The following LMO7 variants were observed in gnomAD, a reference collection of about 807,000 sequenced individuals.
The protein encoded by LMO7 is LIM domain only protein 7.
Under a neutral mutation model 206.5 loss-of-function variants are expected in LMO7, and 120 were observed. The ratio of observed to expected loss-of-function variants is 0.58; its 90% CI spans 0.50 to 0.68. The LOEUF is 0.68. Among genes scored for constraint, LMO7 ranks in the 30% least tolerant of loss-of-function variants. LMO7 has a pLI of 0.00. For missense variants in LMO7, 1,959 were observed against 1,957.9 expected, an observed-to-expected ratio of 1.00 and a Z score of -0.01; for synonymous variants, 706 against 681.5, an observed-to-expected ratio of 1.04 and a Z score of -0.56.
chr13:75,819,335 G>C (rs530377994), intron 12 of LMO7, 58 bp from the exon 13 acceptor site: 347 of 1,508,034 alleles, frequency 2.3e-4, no homozygotes, highest in Non-Finnish European at 3.0e-4. Flanking sequence ...CATTCTGTCT[G>C]CTAGAAAGGG....
In LMO7 at chr13:75,849,491, T is replaced by A. The variant is rs560687384; in HGVS notation, c.4364+199T>A. Among the ~76,000 whole-genome samples, 3 of 146,012 alleles carry A rather than the reference T, an allele frequency of 2.1e-5. No individual in the cohort carries two copies. In the East Asian group the frequency reaches 5.8e-4, roughly 28 times the overall value. On this transcript the variant is annotated intron_variant, in intron 27 of 30. Coordinates refer to ENST00000377534, the MANE Select transcript of LMO7 (RefSeq NM_001306080.2). ...GTAGGGATAATAATTCTGGCTGTTT[T>A]TTTTTTTTCTTTTTTTTTTACTATG...
At chr13:75,630,317 A>G (rs779250998) in intron 2 of LMO7, among the ~76,000 whole-genome samples, 64 of 152,360 alleles carry the variant, frequency 4.2e-4, no homozygotes, top group Non-Finnish European at 7.5e-4. Flanking sequence ...AAAGTAATAT[A>G]CATGTCTTTT....
intron 2 of LMO7, chr13:75,627,218 C>G (rs915361528): frequency 3.9e-5 from 6 of 152,088 alleles, no homozygotes; most frequent in African/African-American, 1.2e-4. Context: ...ATCCATACAA[C>G]CATTCTTTCA....
At position 75,855,331 on chromosome 13, in the gene LMO7, A is replaced by T; in HGVS notation, c.4733A>T (p.Glu1578Val). Residue 1578 changes from glutamate (E) to valine (V), a missense_variant, in exon 29 of 31, where the codon GAG (glutamate) becomes GTG (valine). Transcript: ENST00000377534. ...GGCAAAGGAGCCGCCATGATCATCG[A>T]GTCCCTGGGTCTTTGTTATCATTTG... The part of the protein sequence containing the change: ...ILGKGAAMII[E>V]SLGLCYHLHC... The T allele has an allele frequency of 6.2e-7, 1 of 1,613,820 alleles. No homozygotes were observed. The highest frequency in any genetic ancestry group is 8.5e-7 in the Non-Finnish European group (1 of 1,179,710).
Position 75,789,433 on chromosome 13 carries a change from G to A in LMO7, c.318-5968G>A, listed in dbSNP as rs527454673. Among the ~76,000 whole-genome samples the A allele has an allele frequency of 1.2e-4, 19 of 152,302 alleles. No individual in the cohort carries two copies. The South Asian group carries it at 3.7e-3, about 30-fold the overall frequency. On this transcript the variant is annotated intron_variant, in intron 4 of 30. Transcript: ENST00000377534. ...GAAAGAGAGGTACTAAGACATGTGA[G>A]AGGAACACAGAGAAGTGGGATTCTG...
intron 1 of LMO7, among the ~76,000 whole-genome samples, chr13:75,687,787 T>C (rs552822083): frequency 1.3e-5 from 2 of 152,352 alleles, no homozygotes; most frequent in East Asian, 1.9e-4. Flanking sequence ...TTGGTACTTA[T>C]GATTAATCCA....
Position 75,808,025 on chromosome 13 carries a change from A to G in LMO7, c.1742A>G (p.Tyr581Cys), listed in dbSNP as rs777411601. Residue 581 changes from tyrosine (Y) to cysteine (C), a missense_variant, in exon 10 of 31, where the codon TAT becomes TGT. Tyr to Cys is a radical substitution (Grantham distance 194). Transcript: ENST00000377534. Reference protein sequence around the residue: ...SNSCRILVPSYRQKKDDMLTR... With the variant: ...SNSCRILVPSCRQKKDDMLTR... ...AGCTGTAGAATATTAGTTCCTTCAT[A>G]TCGGCAGAAGAAAGATGACATGCTG... 7 of 1,613,838 alleles carry G rather than the reference A, an allele frequency of 4.3e-6. No individual in the cohort carries two copies. In the East Asian group the frequency reaches 8.9e-5, roughly 21 times the overall value.
chr13:75,819,269 A>G, intron 12 of LMO7, 124 bp from the exon 13 acceptor site: 1 of 1,191,606 alleles, frequency 8.4e-7, no homozygotes. Context: ...AAATTAGGGC[A>G]CCTTGGCATC....
chr13:75,841,305 G>C, intron 23 of LMO7, 104 bp downstream of exon 23: 1 of 726,656 alleles, frequency 1.4e-6, no homozygotes, highest in Non-Finnish European at 2.3e-6. Flanking sequence ...TTGACCATAT[G>C]TTCACCTGTG....
At chr13:75,630,882 C>T (rs1415633437) in intron 2 of LMO7, among the ~76,000 whole-genome samples, 3 of 152,198 alleles carry the variant, frequency 2.0e-5, no homozygotes, top group Non-Finnish European at 4.4e-5. Flanking sequence ...TTTCGAACTC[C>T]TGACCTCAGG....
chr13:75,679,699 A>C (rs576892172), intron 1 of LMO7, among the ~76,000 whole-genome samples: 30 of 152,058 alleles, frequency 2.0e-4, no homozygotes, highest in African/African-American at 7.0e-4. Flanking sequence ...TCCTGCCTCA[A>C]CCCCCACCAG....
intron 4 of LMO7, among the ~76,000 whole-genome samples, chr13:75,761,878 T>A (rs1034781469): frequency 6.6e-6 from 1 of 152,140 alleles, no homozygotes; most frequent in Non-Finnish European, 1.5e-5. Context: ...TTATTCTATC[T>A]ATAGAAATAA....
chr13:75,809,068 A>G lies in LMO7; in HGVS notation c.1917-86A>G, dbSNP rs867441792. 32 of 974,536 alleles carry G rather than the reference A, an allele frequency of 3.3e-5. 1 individual carries two copies. In the South Asian group the frequency reaches 3.5e-4, roughly 11 times the overall value. The allele number at this position is 974,536 out of a possible 1,614,324, so 60.4% of individuals were successfully genotyped here. ...TTGAGATTTGTCCGTCTCCAGTTAG[A>G]TTCTTAAGTGGAAGACATTGAACGT... On this transcript the variant is annotated intron_variant, in intron 10 of 30. Transcript: ENST00000377534.
At chr13:75,731,399 C>G (rs549597678) in intron 3 of LMO7, among the ~76,000 whole-genome samples, 1 of 152,224 alleles carries the variant, frequency 6.6e-6, no homozygotes, top group African/African-American at 2.4e-5. Context: ...TTCTTTGTCT[C>G]TTTTGATCTG....
chr13:75,686,903 C>T (rs777760857), intron 1 of LMO7, among the ~76,000 whole-genome samples: 11 of 152,108 alleles, frequency 7.2e-5, no homozygotes, highest in Non-Finnish European at 1.5e-4. Context: ...TGCGTCCTCA[C>T]ATAGCAGAAA....
intron 24 of LMO7, 26 bp downstream of exon 24, chr13:75,842,009 A>G: frequency 6.4e-7 from 1 of 1,561,886 alleles, no homozygotes; most frequent in South Asian, 1.2e-5. Context: ...CAGAGGGTAC[A>G]AAGGCTTAGC....
At chr13:75,853,006 G>A in intron 27 of LMO7, 86 bp from the exon 28 acceptor site, 4 of 1,119,196 alleles carry the variant, frequency 3.6e-6, no homozygotes, top group Non-Finnish European at 3.8e-6. Context: ...ATATAAAAAT[G>A]GATTTTTAAT....
chr13:75,838,249 C>A, intron 20 of LMO7, 53 bp downstream of exon 20: 8 of 1,529,090 alleles, frequency 5.2e-6, no homozygotes, highest in Middle Eastern at 1.7e-4. Context: ...TTCTCCCTCT[C>A]CACTCTTCCT....
chr13:75,816,978 T>C, intron 11 of LMO7, 183 bp from the exon 12 acceptor site: 1 of 458,466 alleles, frequency 2.2e-6, no homozygotes, highest in Non-Finnish European at 3.9e-6. Flanking sequence ...CACACTCGAG[T>C]GCTCTTGTTT....
Sources: gnomAD v4.1 joint callset for allele counts (sites outside exome capture counted in the v4.1 genomes callset) on GRCh38, gnomAD v4.1.1 for gene constraint, MANE v1.5 for transcripts, NCBI Gene and HGNC (gene_info 2026-07-23, HGNC 2026-07-21) for gene names.